OTOG: variants seen among roughly 807,000 people sequenced by gnomAD.
OTOG encodes otogelin.
In OTOG, 296 loss-of-function variants were observed where a neutral mutation model predicts 313.8. The observed-to-expected ratio is 0.94, with a 90% CI of 0.86 to 1.04. The LOEUF (loss-of-function observed/expected upper bound fraction) is 1.04, where lower values mean the gene tolerates loss of function less well. Ranked by LOEUF, OTOG falls within the 50% of genes least tolerant of loss-of-function variation. The pLI is 0.00. For synonymous variants in OTOG, 1,533 were observed against 1,554.9 expected (o/e 0.99, Z 0.33); for missense variants, 3,948 against 3,840.1 (o/e 1.03, Z -0.74).
chr11:17,558,241 A>C lies in OTOG; in HGVS notation c.922A>C (p.Asn308His). The C allele has an allele frequency of 6.4e-7, 1 of 1,550,552 alleles. No homozygotes were observed. The highest frequency in any genetic ancestry group is 1.4e-5 in the African/African-American group (1 of 73,156). The change falls in exon 9 of 56, where the codon AAC (asparagine) becomes CAC (histidine). Residue 308 changes from asparagine (N) to histidine (H), a missense_variant. Asn to His is a moderately conservative substitution (Grantham distance 68). Coordinates refer to ENST00000399397, the MANE Select transcript of OTOG (RefSeq NM_001292063.2). ...FVHSWQEQAP[N>H]QPPGPTTSSL... The stretch of plus-strand genomic sequence containing the variant: ...GCACAGCTGGCAGGAGCAGGCCCCT[A>C]ACCAGCCTCCAGGGCCCACAACTTC...
chr11:17,574,315 A>AGT (rs60387184), intron 19 of OTOG, among the ~76,000 whole-genome samples: 55,288 of 150,834 alleles, frequency 0.37, 10,269 homozygotes, highest in African/African-American at 0.4. Context: ...AGGGGGTAGG[A>AGT]GTGTGTGTGT....
At chr11:17,573,409 C>A (rs1590011739) in intron 19 of OTOG, 119 bp downstream of exon 19, 1 of 1,092,646 alleles carries the variant, frequency 9.2e-7, no homozygotes, top group East Asian at 2.6e-5. Context: ...CTGACTGCAC[C>A]CAGAGCCTGC....
chr11:17,602,635 T>C (rs565867425), intron 32 of OTOG, among the ~76,000 whole-genome samples: 2 of 152,200 alleles, frequency 1.3e-5, no homozygotes, highest in East Asian at 3.9e-4. Flanking sequence ...ATAGCTGTGT[T>C]CCAGAAAAGC....
At chr11:17,639,813 A>G (rs1229827111) in intron 49 of OTOG, among the ~76,000 whole-genome samples, 1 of 147,134 alleles carries the variant, frequency 6.8e-6, no homozygotes, top group Admixed American at 6.8e-5. Flanking sequence ...TAATGCAATG[A>G]TGGTGGTGGT....
chr11:17,615,591 C>T (rs972162980), intron 39 of OTOG, among the ~76,000 whole-genome samples: 24 of 152,064 alleles, frequency 1.6e-4, no homozygotes, highest in African/African-American at 5.3e-4. Context: ...CACCATTTTT[C>T]GAAGAGACTA....
chr11:17,555,926 G>T, intron 7 of OTOG, 29 bp downstream of exon 7: 1 of 1,503,056 alleles, frequency 6.7e-7, no homozygotes, highest in Non-Finnish European at 9.1e-7. Flanking sequence ...ACATCGAGCT[G>T]TCCTATCCCT....
chr11:17,612,103 T>A, intron 36 of OTOG, 59 bp from the exon 37 acceptor site: 5 of 1,534,556 alleles, frequency 3.3e-6, no homozygotes, highest in Non-Finnish European at 4.4e-6. Flanking sequence ...CCATCACAGC[T>A]TGCAGGGTGG....
intron 3 of OTOG, among the ~76,000 whole-genome samples, chr11:17,550,935 G>A (rs1481033288): frequency 6.6e-6 from 1 of 152,258 alleles, no homozygotes; most frequent in South Asian, 2.1e-4. Context: ...TGCCTGCCAG[G>A]GCAGGGCCAA....
At chr11:17,569,433 T>G in intron 16 of OTOG, 145 bp downstream of exon 16, 5 of 1,155,922 alleles carry the variant, frequency 4.3e-6, no homozygotes, top group African/African-American at 3.1e-5. Context: ...ACACTTTGGT[T>G]GCAAAAATGT....
At chr11:17,562,768 C>T (rs1382460322) in intron 15 of OTOG, among the ~76,000 whole-genome samples, 3 of 152,186 alleles carry the variant, frequency 2.0e-5, no homozygotes, top group African/African-American at 7.2e-5. Context: ...TTGGATTGCA[C>T]CTTCAACATT....
chr11:17,550,884 A>G (rs758969095), intron 3 of OTOG, among the ~76,000 whole-genome samples: 2 of 152,262 alleles, frequency 1.3e-5, no homozygotes, highest in Non-Finnish European at 2.9e-5. Flanking sequence ...AAGACCATGA[A>G]GATGAAAGGT....
In OTOG at chr11:17,557,206, G is replaced by A; in HGVS notation, c.748G>A (p.Ala250Thr). The A allele has an allele frequency of 6.4e-7, 1 of 1,550,648 alleles. No individual in the cohort carries two copies. Among genetic ancestry groups the A allele is most frequent in the Non-Finnish European group, 8.7e-7 (1 of 1,147,016 alleles). ...IVRHQSAFTL[A>T]WDGASAVYIK... The stretch of plus-strand genomic sequence containing the variant: ...GCGGCATCAGTCAGCCTTCACACTG[G>A]CCTGGGATGGTGCCTCGGCTGTCTA... Residue 250 changes from alanine (A) to threonine (T), a missense_variant, in exon 8 of 56, where the codon GCC (alanine) becomes ACC (threonine). Coordinates refer to ENST00000399397, the MANE Select transcript of OTOG (RefSeq NM_001292063.2).
At chr11:17,627,205 AG>A (rs1854004465) in intron 39 of OTOG, among the ~76,000 whole-genome samples, 1 of 152,174 alleles carries the variant, frequency 6.6e-6, no homozygotes, top group Admixed American at 6.5e-5. Flanking sequence ...CATATCTTAG[AG>A]GAAAGGCTTT....
In OTOG at chr11:17,643,406, C is replaced by T. The variant is rs1023916558; in HGVS notation, c.8416-55C>T. On this transcript the variant is annotated intron_variant, in intron 53 of 55. Coordinates refer to ENST00000399397, the MANE Select transcript of OTOG (RefSeq NM_001292063.2). ...TGCCTGTTTCTGGGATCTTGGCTCC[C>T]GGCCTGGACAGGGGTCTCCACACCT... is the stretch of plus-strand genomic sequence containing the variant. The T allele has an allele frequency of 3.5e-5, 44 of 1,254,148 alleles. 1 individual carries two copies. Among genetic ancestry groups the T allele is most frequent in the East Asian group, 9.1e-5 (3 of 32,910 alleles). 77.7% of individuals were successfully genotyped at this position (1,254,148 alleles called of 1,614,324 possible).
At position 17,576,930 on chromosome 11, in the gene OTOG, G is replaced by A. The variant is rs1357722127; in HGVS notation, c.2605+19G>A. ...GCCCCAGGTAAGGGTGGGTGGAGGGGTGGAGCCCTTCTGGGGGCTCCACAT... is the reference window on the plus strand; with the variant it reads ...GCCCCAGGTAAGGGTGGGTGGAGGGATGGAGCCCTTCTGGGGGCTCCACAT... On this transcript the variant is annotated intron_variant, in intron 22 of 55. Coordinates refer to ENST00000399397, the MANE Select transcript of OTOG (RefSeq NM_001292063.2). The A allele has an allele frequency of 6.5e-7, 1 of 1,549,830 alleles. No homozygotes were observed. The highest frequency in any genetic ancestry group is 8.7e-7 in the Non-Finnish European group (1 of 1,146,584).
chr11:17,596,128 G>C lies in OTOG; in HGVS notation c.3499G>C (p.Glu1167Gln), dbSNP rs1443626805. The C allele has an allele frequency of 1.3e-6, 2 of 1,550,508 alleles. No individual in the cohort carries two copies. The highest frequency in any genetic ancestry group is 3.9e-5 in the Admixed American group (2 of 51,006). ...AKKECSILLS[E>Q]VFEICHPVVD... ...GAAGGAGTGCAGCATCCTGCTCAGTGAGGTGTTTGAGATCTGCCACCCTGT... is the reference window on the plus strand; with the variant it reads ...GAAGGAGTGCAGCATCCTGCTCAGTCAGGTGTTTGAGATCTGCCACCCTGT... Residue 1167 changes from glutamate to glutamine, a missense_variant, in exon 29 of 56, where the codon GAG becomes CAG. Physicochemically the swap from Glu to Gln is conservative, Grantham distance 29. Transcript: ENST00000399397.
rs1848013145 is a variant in OTOG, at chr11:17,643,441, C to A, written c.8416-20C>A. On this transcript the variant is annotated intron_variant, in intron 53 of 55. Coordinates refer to ENST00000399397, the MANE Select transcript of OTOG (RefSeq NM_001292063.2). The stretch of plus-strand genomic sequence containing the variant: ...AGGGGTCTCCACACCTACCTACCTC[C>A]CCCGACTTCCTCTCTCTAGGTTGGG... The A allele has an allele frequency of 7.0e-7, 1 of 1,430,448 alleles. No homozygotes were observed. The highest frequency in any genetic ancestry group is 2.9e-5 in the East Asian group (1 of 34,696). 88.6% of individuals were successfully genotyped at this position (1,430,448 alleles called of 1,614,324 possible).
At chr11:17,606,245 CCTT>C (rs1853386586) in intron 33 of OTOG, 110 bp downstream of exon 33, 1 of 1,338,534 alleles carries the variant, frequency 7.5e-7, no homozygotes, top group Non-Finnish European at 9.9e-7. Context: ...GCAGAATCCT[CCTT>C]CTCCTGGCAC....
chr11:17,612,779 A>G lies in OTOG; in HGVS notation c.6438+14A>G. ...AGTGCCAACCTGGTGCCTGCCCCAT[A>G]CCTCCCTCCCTGCTGGGGACTAGGA... On this transcript the variant is annotated intron_variant, in intron 38 of 55. Transcript: ENST00000399397. 1 of 1,548,324 alleles carries G rather than the reference A, an allele frequency of 6.5e-7. No homozygotes were observed. The highest frequency in any genetic ancestry group is 8.7e-7 in the Non-Finnish European group (1 of 1,145,940).
Sources: allele counts gnomAD v4.1 joint callset (sites outside exome capture counted in the v4.1 genomes callset), GRCh38; gene constraint gnomAD v4.1.1; transcripts MANE v1.5; gene names NCBI Gene and HGNC (gene_info 2026-07-23, HGNC 2026-07-21).